The following IL17RE variants were observed in gnomAD, a reference collection of about 807,000 sequenced individuals.
IL17RE encodes the protein interleukin 17 receptor E, also known as interleukin-17 receptor E.
A neutral mutation model predicts 70.7 loss-of-function variants in IL17RE; 47 were observed. The ratio of observed to expected loss-of-function variants is 0.67; its 90% confidence interval spans 0.53 to 0.85. IL17RE has a LOEUF of 0.85. IL17RE is among the 40% of genes least tolerant of loss of function. The probability of loss-of-function intolerance (pLI) is 0.00; values close to 1 mark genes in which losing one functional copy is unlikely to be tolerated. For synonymous variants in IL17RE, 372 were observed against 381.2 expected (o/e 0.98, Z 0.28); for missense variants, 850 against 893.9 (o/e 0.95, Z 0.63).
Position 9,909,253 on chromosome 3 carries a change from A to G in IL17RE, c.772A>G (p.Lys258Glu). 1.2e-6 allele frequency: 2 copies of G among 1,614,044 alleles called. No homozygotes were observed. The highest frequency in any genetic ancestry group is 1.7e-6 in the Non-Finnish European group (2 of 1,180,008). ...YLQEDTVRRK[K>E]CPFQSWPEAY... ...GCAAGAGGACACTGTGAGGCGCAAA[A>G]AATGTCCCTTCCAGAGCTGGCCAGA... The change falls in exon 8 of 16, where the codon AAA becomes GAA. Residue 258 changes from lysine to glutamate, a missense_variant. By Grantham distance (56) the Lys-to-Glu change is moderately conservative (BLOSUM62 1). Coordinates refer to ENST00000383814, the MANE Select transcript of IL17RE (RefSeq NM_153480.2).
Position 9,915,515 on chromosome 3 carries a change from A to AC in IL17RE, c.1717dup (p.Arg573ProfsTer120). On this transcript the variant is annotated frameshift_variant, in exon 16 of 16. Coordinates refer to ENST00000383814, the MANE Select transcript of IL17RE (RefSeq NM_153480.2). LOFTEE classifies it low-confidence loss of function (END_TRUNC). The surrounding 1 kb of genome is among the most constrained non-coding windows in gnomAD (Gnocchi z 4.9). ...GACCTTCGCCCGGTCAGCGGCCCCG[A>AC]CCCCCGCGCCGCGCCCCTGCTCGCC... 1 of 1,317,136 alleles carries AC rather than the reference A, an allele frequency of 7.6e-7. No individual in the cohort carries two copies. Among genetic ancestry groups the AC allele is most frequent in the Non-Finnish European group, 9.6e-7 (1 of 1,042,102 alleles). 81.6% of individuals were successfully genotyped at this position (1,317,136 alleles called of 1,614,324 possible).
At position 9,905,082 on chromosome 3, in the gene IL17RE, G is replaced by A. The variant is rs538641578; in HGVS notation, c.268+931G>A. ...TGCACTCCAGCCTGGATGACAGTGT[G>A]AGACCCTGTCTCAAAAAAAAAAAAA... On this transcript the variant is annotated intron_variant, in intron 3 of 15. Transcript: ENST00000383814. Among the ~76,000 whole-genome samples the A allele has an allele frequency of 4.1e-3, 448 of 110,226 alleles. 10 individuals are homozygous for A. The highest frequency in any genetic ancestry group is 0.036 in the South Asian group (120 of 3,310). 72.3% of individuals were successfully genotyped at this position (110,226 alleles called of 152,430 possible).
Position 9,904,049 on chromosome 3 carries a change from C to T in IL17RE, c.166C>T (p.Pro56Ser), listed in dbSNP as rs770571811. Residue 56 changes from proline (P) to serine (S), a missense_variant, in exon 3 of 16, where the codon CCT becomes TCT. Transcript: ENST00000383814. Reference sequence around the variant, plus strand: ...TTTCCCAGGAAGTTCTGCCTATATCCCTTGCCGCACCTGGTGGGCCCTCTT... The same window carrying T: ...TTTCCCAGGAAGTTCTGCCTATATCTCTTGCCGCACCTGGTGGGCCCTCTT... ...DSFTGSSAYIPCRTWWALFST... is the reference protein window; with the variant it reads ...DSFTGSSAYISCRTWWALFST... The T allele has an allele frequency of 6.2e-7, 1 of 1,614,102 alleles. No individual in the cohort carries two copies. Among genetic ancestry groups the T allele is most frequent in the South Asian group, 1.1e-5 (1 of 91,080 alleles).
chr3:9,906,583 C>T (rs558300298), intron 4 of IL17RE, 122 bp downstream of exon 4: 405 of 1,368,298 alleles, frequency 3.0e-4, no homozygotes, highest in South Asian at 1.3e-3. Flanking sequence ...CTGTCTATTA[C>T]ACAGCTAGGG....
rs536645903 is a variant in IL17RE, at chr3:9,902,854, G to T, written c.-79G>T. The T allele has an allele frequency of 6.2e-7, 1 of 1,610,552 alleles. No individual in the cohort carries two copies. Among genetic ancestry groups the T allele is most frequent in the Admixed American group, 1.7e-5 (1 of 59,896 alleles). ...GAGGGCTCCTGCTGGTACTGTGTTC[G>T]CTGCTGCACAGCAAGGCCCTGCCAC... On this transcript the variant is annotated 5_prime_UTR_variant, in exon 1 of 16. Transcript: ENST00000383814.
rs144881083 is a variant in IL17RE, at chr3:9,904,097, C to T, written c.214C>T (p.Arg72Ter). 102 of 1,614,006 alleles carry T rather than the reference C, an allele frequency of 6.3e-5. No individual in the cohort carries two copies. Among genetic ancestry groups the T allele is most frequent in the Non-Finnish European group, 7.9e-5 (93 of 1,180,008 alleles). ...ALFSTKPWCV[R>*]VWHCSRCLCQ... ...CTTCTCCACAAAGCCTTGGTGTGTG[C>T]GAGTCTGGCACTGTTCCCGCTGTTT... Residue 72 changes from arginine (R) to a stop codon, truncating the protein, a stop_gained, in exon 3 of 16, where the codon CGA (arginine) becomes TGA (stop). Coordinates refer to ENST00000383814, the MANE Select transcript of IL17RE (RefSeq NM_153480.2). LOFTEE classifies it high-confidence loss of function.
At position 9,909,250 on chromosome 3, in the gene IL17RE, A is replaced by C; in HGVS notation, c.769A>C (p.Lys257Gln). ...CCTGCAAGAGGACACTGTGAGGCGC[A>C]AAAAATGTCCCTTCCAGAGCTGGCC... ...SYLQEDTVRR[K>Q]KCPFQSWPEA... Residue 257 changes from lysine (K) to glutamine (Q), a missense_variant, in exon 8 of 16, where the codon AAA (lysine) becomes CAA (glutamine). Transcript: ENST00000383814. 6.2e-7 allele frequency: 1 copy of C among 1,613,970 alleles called. No homozygotes were observed. Among genetic ancestry groups the C allele is most frequent in the Non-Finnish European group, 8.5e-7 (1 of 1,179,926 alleles).
chr3:9,915,271 G>A lies in IL17RE; in HGVS notation c.1468G>A (p.Val490Met). The change falls in exon 16 of 16, where the codon GTG becomes ATG. Residue 490 changes from valine (V) to methionine (M), a missense_variant. By Grantham distance (21) the Val-to-Met change is conservative (BLOSUM62 1). Coordinates refer to ENST00000383814, the MANE Select transcript of IL17RE (RefSeq NM_153480.2). This position sits in a 1 kb window ranked among gnomAD's most constrained non-coding sequence, Gnocchi z 4.9. ...ACCAGGCCCGGGCCCAGCGCGGCCA[G>A]TGCTCCTCCTGCACGCGGCGGACTC... ...PQSGPGPARP[V>M]LLLHAADSEA... 1 of 1,406,544 alleles carries A rather than the reference G, an allele frequency of 7.1e-7. No homozygotes were observed. Among genetic ancestry groups the A allele is most frequent in the Non-Finnish European group, 9.2e-7 (1 of 1,088,510 alleles). The allele number at this position is 1,406,544 out of a possible 1,614,324, so 87.1% of individuals were successfully genotyped here. A position where few individuals can be genotyped will look rare whatever the true frequency, so the allele number is the denominator to read the frequency against.
intron 2 of IL17RE, 71 bp downstream of exon 2, chr3:9,903,483 C>T (rs1181531880): frequency 1.3e-6 from 2 of 1,545,638 alleles, no homozygotes. Context: ...GCAAGCCCTC[C>T]ATTCTAATTT....
chr3:9,910,941 C>T lies in IL17RE; in HGVS notation c.879C>T (p.Leu293=), dbSNP rs114105996. ...QHTQMVMALT[L]RCPLKLEAAL... is the part of the protein sequence containing the mutation. ...CTCAGATGGTCATGGCCCTGACACT[C>T]CGCTGCCCACTGAAGCTGGAAGCTG... The change falls in exon 9 of 16, where the codon CTC becomes CTT. Residue 293 remains leucine (L), a synonymous_variant. Transcript: ENST00000383814. 1.2e-6 allele frequency: 2 copies of T among 1,614,188 alleles called. No individual in the cohort carries two copies.
chr3:9,905,094 C>CAAAAAAAAAAAAAAAAAAAA (rs71626946), intron 3 of IL17RE, among the ~76,000 whole-genome samples: 2 of 56,158 alleles, frequency 3.6e-5, no homozygotes, highest in African/African-American at 1.4e-4. Context: ...GACCCTGTCT[C>CAAAAAAAAAAAAAAAAAAAA]AAAAAAAAAA....
intron 1 of IL17RE, 56 bp downstream of exon 1, chr3:9,903,120 A>G: frequency 6.7e-7 from 1 of 1,482,590 alleles, no homozygotes; most frequent in Admixed American, 1.7e-5. Flanking sequence ...AAAGCTCCCC[A>G]CTCCCCTGCC....
chr3:9,908,361 G>C (rs1384318581), intron 7 of IL17RE, 54 bp downstream of exon 7: 8 of 1,496,246 alleles, frequency 5.3e-6, no homozygotes, highest in African/African-American at 1.4e-5. Context: ...AAGCCCCCAA[G>C]GTAGCGCAGT....
intron 6 of IL17RE, among the ~76,000 whole-genome samples, chr3:9,907,921 T>A (rs2082797384): frequency 6.6e-6 from 1 of 152,180 alleles, no homozygotes; most frequent in Non-Finnish European, 1.5e-5. Flanking sequence ...GGATACCTCA[T>A]AAGATCACTG....
chr3:9,903,888 A>T, intron 2 of IL17RE, 144 bp from the exon 3 acceptor site: 1 of 949,688 alleles, frequency 1.1e-6, no homozygotes, highest in Non-Finnish European at 1.6e-6. Context: ...TTTATGAATG[A>T]GGAATCTGAT....
Position 9,915,053 on chromosome 3 carries a change from A to C in IL17RE, c.1448-198A>C, listed in dbSNP as rs530114303. Among the ~76,000 whole-genome samples, 3 of 151,964 alleles carry C rather than the reference A, an allele frequency of 2.0e-5. No homozygotes were observed. Among genetic ancestry groups the C allele is most frequent in the African/African-American group, 7.3e-5 (3 of 41,362 alleles). ...AGCCTGGAGCCCTGACCCTCTCTTCAGAAGGGGTGCCTTTATCTAATTAGC... is the reference window on the plus strand; with the variant it reads ...AGCCTGGAGCCCTGACCCTCTCTTCCGAAGGGGTGCCTTTATCTAATTAGC... On this transcript the variant is annotated intron_variant, in intron 15 of 15. Transcript: ENST00000383814. The surrounding 1 kb of genome is among the most constrained non-coding windows in gnomAD (Gnocchi z 4.9).
At chr3:9,902,508 C>T (rs1042577105), upstream of IL17RE, 21 of 958,292 alleles carry the variant, frequency 2.2e-5, no homozygotes, top group Non-Finnish European at 3.1e-5. Context: ...TCGGCTAATT[C>T]TCTAAGTGAG....
In IL17RE at chr3:9,915,995, C is replaced by T; in HGVS notation, c.*188C>T. On this transcript the variant is annotated 3_prime_UTR_variant, in exon 16 of 16. Transcript: ENST00000383814. The surrounding 1 kb of genome is among the most constrained non-coding windows in gnomAD (Gnocchi z 4.9). ...CCCCGCGCGCGTCCCTCTTCCTCCTCATACTTTCCCTTGACTGAGAGCTCC... is the reference window on the plus strand; with the variant it reads ...CCCCGCGCGCGTCCCTCTTCCTCCTTATACTTTCCCTTGACTGAGAGCTCC... 1 of 1,070,860 alleles carries T rather than the reference C, an allele frequency of 9.3e-7. No individual in the cohort carries two copies. Among genetic ancestry groups the T allele is most frequent in the African/African-American group, 1.7e-5 (1 of 59,986 alleles). The allele number at this position is 1,070,860 out of a possible 1,614,324, so 66.3% of individuals were successfully genotyped here.
chr3:9,906,568 GT>G, intron 4 of IL17RE, 107 bp downstream of exon 4: 29 of 1,331,370 alleles, frequency 2.2e-5, no homozygotes, highest in South Asian at 1.9e-4. Flanking sequence ...TGGAGATGAA[GT>G]ATTCTGTCTA....
Sources: allele counts gnomAD v4.1 joint callset (sites outside exome capture counted in the v4.1 genomes callset), GRCh38; gene constraint gnomAD v4.1.1; non-coding constraint Gnocchi (gnomAD v3.1); transcripts MANE v1.5; gene names NCBI Gene and HGNC (gene_info 2026-07-23, HGNC 2026-07-21).